CNTNAP3B: variants seen among roughly 807,000 people sequenced by gnomAD.
CNTNAP3B encodes the protein contactin associated protein family member 3B.
A neutral mutation model predicts 108.9 loss-of-function variants in CNTNAP3B; 25 were observed. That is an observed-to-expected ratio of 0.23 (90% CI 0.17 to 0.32). CNTNAP3B has a LOEUF of 0.32. Among genes scored for constraint, CNTNAP3B ranks in the 10% least tolerant of loss-of-function variants. The pLI, the probability that CNTNAP3B is intolerant of heterozygous loss-of-function variation, is 1.00. For missense variants in CNTNAP3B, 252 were observed against 1,210.4 expected (o/e 0.21, Z 11.75); for synonymous variants, 103 against 473.4 (o/e 0.22, Z 10.16).
At chr9:42,072,947 T>C (rs1045909264) in intron 3 of CNTNAP3B, among the ~76,000 whole-genome samples, 1 of 138,838 alleles carries the variant, frequency 7.2e-6, no homozygotes, top group African/African-American at 2.9e-5. Flanking sequence ...CAATAAAACA[T>C]ATGAATATTC....
At chr9:42,070,786 G>T (rs1289473382) in intron 3 of CNTNAP3B, among the ~76,000 whole-genome samples, 4 of 152,120 alleles carry the variant, frequency 2.6e-5, no homozygotes, top group African/African-American at 9.7e-5. Context: ...ACTCACATTT[G>T]CTCCAGTCAG....
chr9:41,934,451 G>C (rs1392019175), intron 14 of CNTNAP3B, among the ~76,000 whole-genome samples: 1 of 152,238 alleles, frequency 6.6e-6, no homozygotes, highest in Non-Finnish European at 1.5e-5. Context: ...TCGATCTTCT[G>C]ACCTTGTGAT....
Position 42,129,401 on chromosome 9 carries a change from G to A in CNTNAP3B, c.-307C>T. ...AGGCGCGTCCCGGACACTAGGCGCGGGAGGCGGCCGGCACCAACGCGAGTC... is the reference window on the plus strand; with the variant it reads ...AGGCGCGTCCCGGACACTAGGCGCGAGAGGCGGCCGGCACCAACGCGAGTC... On this transcript the variant is annotated 5_prime_UTR_variant, in exon 1 of 24. Transcript: ENST00000377561. The A allele has an allele frequency of 3.2e-6, 1 of 311,784 alleles. No individual in the cohort carries two copies. The highest frequency in any genetic ancestry group is 5.3e-6 in the Non-Finnish European group (1 of 189,514). 19.3% of individuals were successfully genotyped at this position (311,784 alleles called of 1,614,324 possible).
chr9:41,943,603 C>G (rs1260277692), intron 13 of CNTNAP3B, among the ~76,000 whole-genome samples: 2 of 150,836 alleles, frequency 1.3e-5, no homozygotes, highest in African/African-American at 4.9e-5. Context: ...CCGCCCGCCT[C>G]GGCCTCCCAA....
intron 1 of CNTNAP3B, among the ~76,000 whole-genome samples, chr9:42,116,954 C>T (rs1828332841): frequency 7.2e-6 from 1 of 139,464 alleles, no homozygotes; most frequent in Non-Finnish European, 1.5e-5. Flanking sequence ...GTAAAGGGAT[C>T]AATTCAACAA....
At chr9:42,038,480 C>T (rs570252192) in intron 3 of CNTNAP3B, among the ~76,000 whole-genome samples, 2 of 98,580 alleles carry the variant, frequency 2.0e-5, no homozygotes, top group African/African-American at 3.8e-5. Flanking sequence ...GGTTGCAATC[C>T]TAGTCTCAGA....
intron 1 of CNTNAP3B, among the ~76,000 whole-genome samples, chr9:42,111,687 A>C (rs1220961993): frequency 7.2e-6 from 1 of 138,676 alleles, no homozygotes; most frequent in Admixed American, 7.2e-5. Flanking sequence ...ACTGAAAAAT[A>C]CTCAATAAGT....
At chr9:41,960,592 C>A (rs1461557100) in intron 12 of CNTNAP3B, among the ~76,000 whole-genome samples, 181 bp downstream of exon 12, 1 of 152,290 alleles carries the variant, frequency 6.6e-6, no homozygotes, top group Admixed American at 6.5e-5. Context: ...TGCCTATAAT[C>A]CAACCCAGGC....
At chr9:42,018,683 G>A (rs1826254978) in intron 3 of CNTNAP3B, among the ~76,000 whole-genome samples, 2 of 151,744 alleles carry the variant, frequency 1.3e-5, no homozygotes, top group Admixed American at 1.3e-4. Context: ...GACTGTCAAA[G>A]ACTTCAGCTC....
chr9:41,957,636 C>G (rs1824902001), intron 12 of CNTNAP3B, among the ~76,000 whole-genome samples: 1 of 151,130 alleles, frequency 6.6e-6, no homozygotes, highest in South Asian at 2.1e-4. Flanking sequence ...TTCATCTGGT[C>G]TTGCATGCTA....
At chr9:42,119,270 A>G in intron 1 of CNTNAP3B, among the ~76,000 whole-genome samples, 1 of 125,070 alleles carries the variant, frequency 8.0e-6, no homozygotes, top group East Asian at 2.5e-4. Context: ...TCCAACTTAC[A>G]AGGGATGTGA....
At chr9:41,935,258 A>T (rs1260103080) in intron 14 of CNTNAP3B, among the ~76,000 whole-genome samples, 1 of 152,252 alleles carries the variant, frequency 6.6e-6, no homozygotes, top group Non-Finnish European at 1.5e-5. Context: ...TAATATGCTT[A>T]GACGAGTTGC....
chr9:41,947,353 C>A, intron 13 of CNTNAP3B, among the ~76,000 whole-genome samples: 2 of 152,048 alleles, frequency 1.3e-5, no homozygotes, highest in Admixed American at 6.6e-5. Flanking sequence ...GAAATCAATA[C>A]CAGAAAGAGA....
intron 13 of CNTNAP3B, among the ~76,000 whole-genome samples, chr9:41,943,472 C>T (rs577960865): frequency 1.3e-5 from 2 of 151,884 alleles, no homozygotes; most frequent in East Asian, 1.9e-4. Context: ...CCTGCCTCAG[C>T]CTCCCGAGTA....
chr9:41,966,778 T>C (rs1237276354), intron 10 of CNTNAP3B, among the ~76,000 whole-genome samples: 2 of 151,686 alleles, frequency 1.3e-5, no homozygotes, highest in African/African-American at 4.9e-5. Context: ...CCATCCTGGC[T>C]AACACGGTGA....
chr9:41,945,729 G>A (rs1049115368), intron 13 of CNTNAP3B, among the ~76,000 whole-genome samples: 8 of 152,306 alleles, frequency 5.3e-5, no homozygotes, highest in East Asian at 1.9e-4. Context: ...AAACCTGCAT[G>A]TTGTGCACAT....
intron 8 of CNTNAP3B, among the ~76,000 whole-genome samples, chr9:41,986,663 C>G (rs1327307232): frequency 6.6e-6 from 1 of 151,380 alleles, no homozygotes; most frequent in Non-Finnish European, 1.5e-5. Context: ...ACTTGCTTTA[C>G]TGAATCTAAC....
chr9:41,935,660 G>A (rs1388455913), intron 14 of CNTNAP3B, among the ~76,000 whole-genome samples: 3 of 152,272 alleles, frequency 2.0e-5, no homozygotes, highest in African/African-American at 7.2e-5. Flanking sequence ...CAAGAGTTGG[G>A]TTAGGATTTC....
At position 41,953,222 on chromosome 9, in the gene CNTNAP3B, C is replaced by A; in HGVS notation, c.2041G>T (p.Ala681Ser). ...CGCCGCGCTGTCCCGCAGCGCAGAGCCAGCCGCTGCTCGCAGCGCTCCGCC... is the reference window on the plus strand; with the variant it reads ...CGCCGCGCTGTCCCGCAGCGCAGAGACAGCCGCTGCTCGCAGCGCTCCGCC... ...NLAERCEQRL[A>S]LRCGTARRPD... Residue 681 changes from alanine (A) to serine (S), a missense_variant, in exon 13 of 24, where the codon GCT becomes TCT. Coordinates refer to ENST00000377561, the MANE Select transcript of CNTNAP3B (RefSeq NM_001201380.3). 1 of 1,530,552 alleles carries A rather than the reference C, an allele frequency of 6.5e-7. No homozygotes were observed. The highest frequency in any genetic ancestry group is 8.7e-7 in the Non-Finnish European group (1 of 1,148,126). 94.8% of individuals were successfully genotyped at this position (1,530,552 alleles called of 1,614,324 possible).
Sources: gnomAD v4.1 joint callset for allele counts (sites outside exome capture counted in the v4.1 genomes callset) on GRCh38, gnomAD v4.1.1 for gene constraint, MANE v1.5 for transcripts, NCBI Gene and HGNC (gene_info 2026-07-23, HGNC 2026-07-21) for gene names.